CEP104: variants seen among roughly 807,000 people sequenced by gnomAD.
The protein encoded by CEP104 is centrosomal protein of 104 kDa.
Under a neutral mutation model 113.3 loss-of-function variants are expected in CEP104, and 84 were observed. The observed-to-expected ratio is 0.74, with a 90% CI of 0.62 to 0.89. The LOEUF (loss-of-function observed/expected upper bound fraction) is 0.89. Among genes scored for constraint, CEP104 ranks in the 40% least tolerant of loss-of-function variants. CEP104 has a pLI of 0.00. For missense variants in CEP104, 1,053 were observed against 1,156.6 expected (o/e 0.91, Z 1.30); for synonymous variants, 378 against 421.7 (o/e 0.90, Z 1.27).
At chr1:3,855,242 C>T (rs1251983546) in intron 1 of CEP104, among the ~76,000 whole-genome samples, 1 of 145,530 alleles carries the variant, frequency 6.9e-6, no homozygotes, top group Non-Finnish European at 1.5e-5. Context: ...GCTGCAGTGG[C>T]GTGATCATAG....
At chr1:3,816,862 T>C (rs1053065666) in intron 20 of CEP104, among the ~76,000 whole-genome samples, 8 of 152,274 alleles carry the variant, frequency 5.3e-5, no homozygotes, top group Non-Finnish European at 1.2e-4. Flanking sequence ...GTGGGGCTTA[T>C]GCAGGCCTGA....
At chr1:3,843,768 GTTT>G (rs982338425) in intron 6 of CEP104, among the ~76,000 whole-genome samples, 2 of 147,398 alleles carry the variant, frequency 1.4e-5, no homozygotes, top group South Asian at 4.3e-4. Flanking sequence ...TGTGGTGTGT[GTTT>G]TTTTTTTTGA....
Position 3,836,500 on chromosome 1 carries a change from T to C in CEP104, c.1312A>G (p.Thr438Ala). 7.2e-7 allele frequency: 1 copy of C among 1,382,154 alleles called. No homozygotes were observed. The highest frequency in any genetic ancestry group is 9.8e-7 in the Non-Finnish European group (1 of 1,025,552). 85.6% of individuals were successfully genotyped at this position (1,382,154 alleles called of 1,614,324 possible). Residue 438 changes from threonine to alanine, a missense_variant, in exon 10 of 22, where the codon ACC becomes GCC. Thr to Ala is a moderately conservative substitution (Grantham distance 58). Coordinates refer to ENST00000378230, the MANE Select transcript of CEP104 (RefSeq NM_014704.4). ...ASSAIDVLGE[T>A]LVAEAYCKTW... ...TTTTTTTTTTTTTTTTTTACCAAGGTTTCTCCCAACACATCGATGGCAGAG... is the reference window on the plus strand; with the variant it reads ...TTTTTTTTTTTTTTTTTTACCAAGGCTTCTCCCAACACATCGATGGCAGAG...
intron 12 of CEP104, among the ~76,000 whole-genome samples, chr1:3,833,033 G>A (rs1352348303): frequency 6.9e-6 from 1 of 144,658 alleles, no homozygotes; most frequent in Admixed American, 7.2e-5. Context: ...TTGCCAGGCT[G>A]GAGTGCAGTG....
intron 2 of CEP104, among the ~76,000 whole-genome samples, chr1:3,849,376 C>T (rs952923311): frequency 4.6e-5 from 7 of 151,944 alleles, no homozygotes; most frequent in Admixed American, 6.6e-5. Context: ...GACCCTCCTA[C>T]CTCAGCCTCC....
intron 13 of CEP104, among the ~76,000 whole-genome samples, chr1:3,830,363 T>C (rs994375227): frequency 7.9e-5 from 12 of 152,144 alleles, no homozygotes; most frequent in African/African-American, 2.9e-4. Flanking sequence ...GTAAGTATAA[T>C]GGAAGTATTC....
intron 1 of CEP104, among the ~76,000 whole-genome samples, chr1:3,854,159 G>A (rs911644215): frequency 2.0e-5 from 3 of 152,084 alleles, no homozygotes; most frequent in Non-Finnish European, 4.4e-5. Flanking sequence ...AGTGTGCCAG[G>A]TCTTATCAGG....
chr1:3,848,546 AAG>A, intron 3 of CEP104, 60 bp downstream of exon 3: 1 of 1,419,104 alleles, frequency 7.0e-7, no homozygotes, highest in South Asian at 1.3e-5. Context: ...AAAAAAAAAA[AAG>A]AGCTTTCAGG....
intron 10 of CEP104, among the ~76,000 whole-genome samples, chr1:3,835,865 A>C (rs1303569029): frequency 6.6e-6 from 1 of 152,058 alleles, no homozygotes; most frequent in Non-Finnish European, 1.5e-5. Flanking sequence ...ATAATTTATA[A>C]TTTACAGAAG....
chr1:3,827,624 C>G (rs570593052), intron 15 of CEP104, among the ~76,000 whole-genome samples: 68 of 152,346 alleles, frequency 4.5e-4, no homozygotes, highest in Non-Finnish European at 8.2e-4. Flanking sequence ...GCACTCCATG[C>G]CACCACAGTG....
At chr1:3,833,807 G>A (rs1253717385) in intron 12 of CEP104, 55 bp downstream of exon 12, 2 of 1,535,232 alleles carry the variant, frequency 1.3e-6, no homozygotes, top group Admixed American at 1.7e-5. Flanking sequence ...AAGCCAGAGA[G>A]CTACAGGAAT....
intron 10 of CEP104, among the ~76,000 whole-genome samples, chr1:3,835,490 A>G (rs936133988): frequency 5.3e-5 from 8 of 152,138 alleles, no homozygotes; most frequent in Non-Finnish European, 1.0e-4. Context: ...CTCCTGCCTC[A>G]GTCTTCCAGC....
chr1:3,852,133 A>G (rs1644622510), intron 2 of CEP104, among the ~76,000 whole-genome samples, 162 bp downstream of exon 2: 1 of 152,138 alleles, frequency 6.6e-6, no homozygotes, highest in Non-Finnish European at 1.5e-5. Flanking sequence ...TTTCTTTAAA[A>G]ATATAAACAG....
intron 4 of CEP104, 73 bp downstream of exon 4, chr1:3,847,401 GA>G: frequency 7.3e-7 from 1 of 1,373,872 alleles, no homozygotes; most frequent in Non-Finnish European, 9.9e-7. Flanking sequence ...ATGCATCTAA[GA>G]AAAGATACGT....
At chr1:3,830,625 A>G (rs1644185823) in intron 13 of CEP104, among the ~76,000 whole-genome samples, 1 of 151,956 alleles carries the variant, frequency 6.6e-6, no homozygotes, top group Admixed American at 6.6e-5. Context: ...ACACGAAAAA[A>G]TTAGCCGGGC....
intron 8 of CEP104, among the ~76,000 whole-genome samples, chr1:3,838,629 A>C (rs1644357850): frequency 6.6e-6 from 1 of 152,186 alleles, no homozygotes; most frequent in Non-Finnish European, 1.5e-5. Context: ...GATCCTTACA[A>C]CACTGAGGGG....
Position 3,831,216 on chromosome 1 carries a change from C to A in CEP104, c.1666G>T (p.Ala556Ser). 1 of 1,610,718 alleles carries A rather than the reference C, an allele frequency of 6.2e-7. No homozygotes were observed. The highest frequency in any genetic ancestry group is 8.5e-7 in the Non-Finnish European group (1 of 1,177,496). The change falls in exon 13 of 22, where the codon GCC (alanine) becomes TCC (serine). Residue 556 changes from alanine (A) to serine (S), a missense_variant. Coordinates refer to ENST00000378230, the MANE Select transcript of CEP104 (RefSeq NM_014704.4). ...AGAGACTTAACTTCTTTAAACAAGGCCATTTCCTATGAAAGCCAAGGTAAT... is the reference window on the plus strand; with the variant it reads ...AGAGACTTAACTTCTTTAAACAAGGACATTTCCTATGAAAGCCAAGGTAAT... ...VTAANFIQEM[A>S]LFKEVKSLQI...
At chr1:3,828,258 T>C (rs898652844) in intron 15 of CEP104, among the ~76,000 whole-genome samples, 16 of 152,188 alleles carry the variant, frequency 1.1e-4, no homozygotes, top group African/African-American at 3.4e-4. Flanking sequence ...CTAATCACAA[T>C]GAGTGTGTGC....
chr1:3,825,451 A>G (rs1389491647), intron 18 of CEP104, among the ~76,000 whole-genome samples: 2 of 152,162 alleles, frequency 1.3e-5, no homozygotes, highest in African/African-American at 4.8e-5. Flanking sequence ...ATGACGCCAC[A>G]TGGTTCCGTT....
Sources: allele counts gnomAD v4.1 joint callset (sites outside exome capture counted in the v4.1 genomes callset), GRCh38; gene constraint gnomAD v4.1.1; transcripts MANE v1.5; gene names NCBI Gene and HGNC (gene_info 2026-07-23, HGNC 2026-07-21).